ESR1: variants seen among roughly 807,000 people sequenced by gnomAD.
ESR1 encodes the protein estrogen receptor 1.
A neutral mutation model predicts 52.7 loss-of-function variants in ESR1; 12 were observed. The observed-to-expected ratio is 0.23, with a 90% CI of 0.15 to 0.37. The LOEUF is 0.37. Ranked by LOEUF, ESR1 falls within the 10% of genes least tolerant of loss-of-function variation. ESR1 has a pLI of 1.00. For missense variants in ESR1, 584 were observed against 779.7 expected, an observed-to-expected ratio of 0.75 and a Z score of 2.99; for synonymous variants, 305 against 316.8, an observed-to-expected ratio of 0.96 and a Z score of 0.39.
At chr6:151,736,603 T>C (rs1782696638) in intron 2 of ESR1, among the ~76,000 whole-genome samples, 1 of 152,058 alleles carries the variant, frequency 6.6e-6, no homozygotes, top group Admixed American at 6.5e-5. Flanking sequence ...GGTCTCGAAC[T>C]CCTGAGCTCA....
At chr6:151,757,202 C>A (rs1319661942) in intron 2 of ESR1, among the ~76,000 whole-genome samples, 1 of 150,284 alleles carries the variant, frequency 6.7e-6, no homozygotes, top group African/African-American at 2.5e-5. Context: ...TGGTGCACAC[C>A]TTTTACTGGT....
At chr6:152,073,004 C>T (rs1259179486) in intron 6 of ESR1, among the ~76,000 whole-genome samples, 1 of 152,208 alleles carries the variant, frequency 6.6e-6, no homozygotes, top group African/African-American at 2.4e-5. Flanking sequence ...ATGTGTTGTT[C>T]AGCTTTGAAG....
rs773588147 is a variant in ESR1, at chr6:151,808,306, C to T, written c.394C>T (p.Leu132=). The T allele has an allele frequency of 3.2e-6, 5 of 1,569,572 alleles. No homozygotes were observed. The highest frequency in any genetic ancestry group is 3.4e-6 in the Non-Finnish European group (4 of 1,160,142). ...QPHGQQVPYY[L]ENEPSGYTVR... ...CCACGGCCAGCAGGTGCCCTACTAC[C>T]TGGAGAACGAGCCCAGCGGCTACAC... The change falls in exon 1 of 8, where the codon CTG becomes TTG. Residue 132 remains leucine, a synonymous_variant. Coordinates refer to ENST00000206249, the MANE Select transcript of ESR1 (RefSeq NM_000125.4).
intron 5 of ESR1, among the ~76,000 whole-genome samples, chr6:152,023,469 T>C (rs988197156): frequency 6.6e-6 from 1 of 152,192 alleles, no homozygotes; most frequent in Non-Finnish European, 1.5e-5. Flanking sequence ...TAAAACATTT[T>C]AAAGACAAAT....
In ESR1 at chr6:151,927,843, G is replaced by A. The variant is rs138851908; in HGVS notation, c.761-16330G>A. Among the ~76,000 whole-genome samples, 108 of 151,742 alleles carry A rather than the reference G, an allele frequency of 7.1e-4. 1 individual carries two copies. Among genetic ancestry groups the A allele is most frequent in the Non-Finnish European group, 1.0e-3 (70 of 67,944 alleles). Reference sequence around the variant, plus strand: ...AGTGATTCTCATGTGTCAGCCTCCCGAGTAGCTGGTATTACAGGCATGCTC... The same window carrying A: ...AGTGATTCTCATGTGTCAGCCTCCCAAGTAGCTGGTATTACAGGCATGCTC... On this transcript the variant is annotated intron_variant, in intron 3 of 7. Transcript: ENST00000206249.
At chr6:152,028,229 A>C (rs918699406) in intron 5 of ESR1, among the ~76,000 whole-genome samples, 1 of 152,214 alleles carries the variant, frequency 6.6e-6, no homozygotes, top group Non-Finnish European at 1.5e-5. Flanking sequence ...GATGCAGAAG[A>C]CAAATGATTT....
chr6:152,063,591 T>C (rs187672290), intron 6 of ESR1, among the ~76,000 whole-genome samples: 1 of 152,334 alleles, frequency 6.6e-6, no homozygotes, highest in Admixed American at 6.5e-5. Flanking sequence ...ATCAGTCATA[T>C]GAAGCATGTG....
intron 2 of ESR1, among the ~76,000 whole-genome samples, chr6:151,869,490 A>G (rs1790566532): frequency 6.6e-6 from 1 of 152,192 alleles, no homozygotes; most frequent in South Asian, 2.1e-4. Context: ...GAGGTATTAC[A>G]ATGAGATGGT....
At chr6:151,926,645 T>C (rs1415675106) in intron 3 of ESR1, among the ~76,000 whole-genome samples, 1 of 152,150 alleles carries the variant, frequency 6.6e-6, no homozygotes, top group Non-Finnish European at 1.5e-5. Flanking sequence ...ATTCCTGTTA[T>C]TCATGATGAT....
chr6:151,792,994 C>T (rs1056787098), intron 2 of ESR1, among the ~76,000 whole-genome samples: 1 of 151,808 alleles, frequency 6.6e-6, no homozygotes, highest in African/African-American at 2.4e-5. Context: ...CACGGTGAAA[C>T]CCTGTCTCTA....
chr6:151,886,360 G>C (rs1793849578), intron 3 of ESR1, among the ~76,000 whole-genome samples: 1 of 152,084 alleles, frequency 6.6e-6, no homozygotes, highest in Non-Finnish European at 1.5e-5. Context: ...CTCTTGGACT[G>C]ACTATTCTGG....
At chr6:151,809,339 A>C in intron 1 of ESR1, 1 of 265,170 alleles carries the variant, frequency 3.8e-6, no homozygotes, top group Non-Finnish European at 8.3e-6. Flanking sequence ...TCTCCCTCCC[A>C]TTTTCTCTTG....
chr6:152,082,277 C>T (rs2049292999), intron 6 of ESR1, among the ~76,000 whole-genome samples: 1 of 152,214 alleles, frequency 6.6e-6, no homozygotes, highest in Non-Finnish European at 1.5e-5. Flanking sequence ...ACCAAGTCAG[C>T]TTCATTCCTG....
chr6:152,022,255 A>G (rs776495557), intron 5 of ESR1, among the ~76,000 whole-genome samples: 1 of 152,124 alleles, frequency 6.6e-6, no homozygotes, highest in Non-Finnish European at 1.5e-5. Context: ...GTGGAAAGGA[A>G]GATTTCCAGA....
chr6:151,941,933 T>C (rs1268586415), intron 3 of ESR1, among the ~76,000 whole-genome samples: 1 of 152,188 alleles, frequency 6.6e-6, no homozygotes, highest in East Asian at 1.9e-4. Flanking sequence ...TGTTTTCCTT[T>C]CTCTAGGCTA....
intron 2 of ESR1, among the ~76,000 whole-genome samples, chr6:151,870,875 A>G (rs1790823080): frequency 6.6e-6 from 1 of 151,226 alleles, no homozygotes; most frequent in African/African-American, 2.4e-5. Context: ...TTTTTAAGGC[A>G]GGGTCTCACT....
In ESR1 at chr6:151,993,807, T is replaced by C. The variant is rs144563678; in HGVS notation, c.1097-17849T>C. Among the ~76,000 whole-genome samples, 170 of 152,302 alleles carry C rather than the reference T, an allele frequency of 1.1e-3. 2 individuals are homozygous for C. The highest frequency in any genetic ancestry group is 9.5e-3 in the Admixed American group (145 of 15,288). ...GTCTTGCCCAAGGCCACACGGCTTC[T>C]TAGTGGAGAAGCCAGGATCTGCACC... On this transcript the variant is annotated intron_variant, in intron 4 of 7. Transcript: ENST00000206249.
chr6:151,852,164 T>G lies in ESR1; in HGVS notation c.643+9377T>G, dbSNP rs369080065. Among the ~76,000 whole-genome samples the G allele has an allele frequency of 5.1e-4, 77 of 152,298 alleles. 1 individual carries two copies. In the South Asian group the frequency reaches 7.2e-3, roughly 14 times the overall value. On this transcript the variant is annotated intron_variant, in intron 2 of 7. Coordinates refer to ENST00000206249, the MANE Select transcript of ESR1 (RefSeq NM_000125.4). ...TCATCAGGGGGTAGGATAAGTTCAA[T>G]TCTAGACATGCTGCATTTGAGATGA...
At chr6:151,726,479 C>T (rs1229530191) in intron 2 of ESR1, among the ~76,000 whole-genome samples, 1 of 152,062 alleles carries the variant, frequency 6.6e-6, no homozygotes, top group East Asian at 1.9e-4. Flanking sequence ...CTACAGGCGC[C>T]TGCCACCACT....
Sources: gnomAD v4.1 joint callset for allele counts (sites outside exome capture counted in the v4.1 genomes callset) on GRCh38, gnomAD v4.1.1 for gene constraint, MANE v1.5 for transcripts, NCBI Gene and HGNC (gene_info 2026-07-23, HGNC 2026-07-21) for gene names.